The following POF1B variants were observed in gnomAD, a reference collection of about 807,000 sequenced individuals.
POF1B encodes the protein POF1B actin binding protein.
Under a neutral mutation model 55.3 loss-of-function variants are expected in POF1B, and 53 were observed. The ratio of observed to expected loss-of-function variants is 0.96; its 90% CI spans 0.77 to 1.20. The LOEUF (loss-of-function observed/expected upper bound fraction) is 1.20, where lower values mean the gene tolerates loss of function less well. Among genes scored for constraint, POF1B ranks in the 50% most tolerant of loss-of-function variants. POF1B has a pLI of 0.00. For synonymous variants in POF1B, 188 were observed against 148.3 expected (o/e 1.27, Z -1.95); for missense variants, 478 against 420.5 (o/e 1.14, Z -1.20).
intron 15 of POF1B, among the ~76,000 whole-genome samples, chrX:85,298,027 C>A (rs1932346540): frequency 8.9e-6 from 1 of 112,462 alleles, no homozygotes; most frequent in South Asian, 3.7e-4. Flanking sequence ...GCTTTGTCCT[C>A]TACCTCCTTG....
intron 16 of POF1B, 47 bp downstream of exon 16, chrX:85,282,156 G>A (rs371280046): frequency 1.6e-4 from 179 of 1,144,720 alleles, no homozygotes; most frequent in Non-Finnish European, 2.0e-4. Context: ...TTAAAAGGCT[G>A]TACATATATC....
At chrX:85,322,774 G>A (rs759796280) in intron 7 of POF1B, among the ~76,000 whole-genome samples, 121 of 111,475 alleles carry the variant, frequency 1.1e-3, no homozygotes, top group Non-Finnish European at 2.1e-3. Context: ...CCCATCAAAA[G>A]GTGGGCGAAG....
chrX:85,277,641 G>T lies in POF1B; in HGVS notation c.*1780C>A, dbSNP rs1464243305. 1.8e-5 allele frequency: 2 copies of T among 109,903 alleles called. No homozygotes were observed. Among genetic ancestry groups the T allele is most frequent in the African/African-American group, 6.6e-5 (2 of 30,360 alleles). 9.1% of individuals were successfully genotyped at this position (109,903 alleles called of 1,213,427 possible). A position where few individuals can be genotyped will look rare whatever the true frequency, so the allele number is the denominator to read the frequency against. Reference sequence around the variant, plus strand: ...CTATATCCATGAGTTCAATTGTTTTGACTTTTAGATCCCGCAAATAATTGA... The same window carrying T: ...CTATATCCATGAGTTCAATTGTTTTTACTTTTAGATCCCGCAAATAATTGA... On this transcript the variant is annotated 3_prime_UTR_variant, in exon 17 of 17. Coordinates refer to ENST00000262753, the MANE Select transcript of POF1B (RefSeq NM_024921.4).
intron 6 of POF1B, among the ~76,000 whole-genome samples, chrX:85,342,038 A>G (rs1406046423): frequency 9.0e-6 from 1 of 111,324 alleles, no homozygotes; most frequent in African/African-American, 3.3e-5. Context: ...CCTATATGAC[A>G]ACTTGTAAAA....
chrX:85,371,200 G>A (rs751396337), intron 2 of POF1B, among the ~76,000 whole-genome samples: 8 of 111,795 alleles, frequency 7.2e-5, no homozygotes, highest in South Asian at 3.8e-4. Context: ...TGGGATATGG[G>A]TGTGGGCGAG....
At chrX:85,307,359 G>T in intron 10 of POF1B, 83 bp from the exon 11 acceptor site, 1 of 551,931 alleles carries the variant, frequency 1.8e-6, no homozygotes, top group Non-Finnish European at 2.8e-6. Flanking sequence ...TACCTTGGAA[G>T]ATTTAAATAA....
chrX:85,311,364 AC>A (rs1462665136), intron 9 of POF1B, among the ~76,000 whole-genome samples: 1 of 101,139 alleles, frequency 9.9e-6, no homozygotes, highest in Admixed American at 1.1e-4. Context: ...CTAGCCCCCC[AC>A]CCCCTGACAG....
intron 15 of POF1B, among the ~76,000 whole-genome samples, chrX:85,285,918 G>GAGA (rs61577263): frequency 0.21 from 23,601 of 110,436 alleles, 2,436 homozygotes; most frequent in African/African-American, 0.4. Context: ...GTCTTCACCA[G>GAGA]AGAAGCATGA....
At chrX:85,349,600 A>G (rs188606603) in intron 5 of POF1B, among the ~76,000 whole-genome samples, 1 of 111,271 alleles carries the variant, frequency 9.0e-6, no homozygotes, top group Admixed American at 9.6e-5. Flanking sequence ...CAGAGGGAAG[A>G]TGATGTGAAG....
intron 2 of POF1B, among the ~76,000 whole-genome samples, chrX:85,376,684 A>T (rs1362105235): frequency 2.7e-5 from 3 of 111,396 alleles, no homozygotes; most frequent in African/African-American, 9.8e-5. Context: ...ATCCATAAAC[A>T]CCATTTTAGT....
At position 85,334,111 on chromosome X, in the gene POF1B, A is replaced by G. The variant is rs182095877; in HGVS notation, c.724-3032T>C. ...AGCTCTTTGGAGCTTCTTAATTTTAATGGAACTATTTGTGGGTGTGTTTCG... is the reference window on the plus strand; with the variant it reads ...AGCTCTTTGGAGCTTCTTAATTTTAGTGGAACTATTTGTGGGTGTGTTTCG... On this transcript the variant is annotated intron_variant, in intron 6 of 16. Coordinates refer to ENST00000262753, the MANE Select transcript of POF1B (RefSeq NM_024921.4). 3.9e-3 allele frequency among the ~76,000 whole-genome samples: 428 copies of G among 111,138 alleles called. 2 individuals are homozygous for G. Among genetic ancestry groups the G allele is most frequent in the African/African-American group, 0.014 (418 of 30,711 alleles).
At chrX:85,290,623 C>T (rs546611150) in intron 15 of POF1B, among the ~76,000 whole-genome samples, 13 of 111,562 alleles carry the variant, frequency 1.2e-4, no homozygotes, top group African/African-American at 1.6e-4. Context: ...TGTTGTTTAT[C>T]GACTTTTTAA....
At chrX:85,282,058 T>A (rs779140638) in intron 16 of POF1B, 145 bp downstream of exon 16, 264 of 693,229 alleles carry the variant, frequency 3.8e-4, no homozygotes, top group Non-Finnish European at 4.7e-4. Flanking sequence ...ATTTGTTAAT[T>A]CCCACTGTAT....
In POF1B at chrX:85,355,137, C is replaced by T. The variant is rs191122513; in HGVS notation, c.439-3686G>A. Among the ~76,000 whole-genome samples the T allele has an allele frequency of 3.0e-3, 333 of 110,968 alleles. 2 individuals are homozygous for T. Among genetic ancestry groups the T allele is most frequent in the African/African-American group, 0.01 (318 of 30,494 alleles). Reference sequence around the variant, plus strand: ...ATAGACCAATGGAACAGAACAGAGCCCTCAGAAATAATACCACACATCTAC... The same window carrying T: ...ATAGACCAATGGAACAGAACAGAGCTCTCAGAAATAATACCACACATCTAC... On this transcript the variant is annotated intron_variant, in intron 4 of 16. Transcript: ENST00000262753.
intron 7 of POF1B, among the ~76,000 whole-genome samples, chrX:85,316,873 CCCACCCT>C (rs1449701248): frequency 9.1e-6 from 1 of 110,454 alleles, no homozygotes; most frequent in Non-Finnish European, 1.9e-5. Flanking sequence ...TCATCCTCCT[CCCACCCT>C]CCACCCTCAA....
chrX:85,345,877 T>G lies in POF1B; in HGVS notation c.706A>C (p.Ser236Arg). Residue 236 changes from serine (S) to arginine (R), a missense_variant, in exon 6 of 17, where the codon AGC becomes CGC. By Grantham distance (110) the Ser-to-Arg change is moderately radical. Transcript: ENST00000262753. ...GATCTTACCTGCTCACAAATCTGGC[T>G]TGATCCACTATGGCACAGTTCATTT... Reference protein sequence around the residue: ...IGNELCHSGSSQICEQVIIQD... With the variant: ...IGNELCHSGSRQICEQVIIQD... The G allele has an allele frequency of 8.3e-7, 1 of 1,200,829 alleles. No homozygotes were observed. The highest frequency in any genetic ancestry group is 1.1e-6 in the Non-Finnish European group (1 of 889,798).
chrX:85,356,330 T>A (rs1161608514), intron 4 of POF1B, among the ~76,000 whole-genome samples: 1 of 108,079 alleles, frequency 9.3e-6, no homozygotes, highest in Non-Finnish European at 1.9e-5. Context: ...GAGGGGGGGA[T>A]AGCATTAGGA....
rs781516210 is a variant in POF1B, at chrX:85,356,372, T to G, written c.438+3178A>C. Among the ~76,000 whole-genome samples the G allele has an allele frequency of 3.7e-4, 40 of 109,299 alleles. No individual in the cohort carries two copies. The South Asian group carries it at 0.011, about 31-fold the overall frequency. 94.9% of individuals were successfully genotyped at this position (109,299 alleles called of 115,157 possible). ...CCTAATGTTAAATGACGAGTTAATGTGTGCAGCACACCAACATGGCACATG... is the reference window on the plus strand; with the variant it reads ...CCTAATGTTAAATGACGAGTTAATGGGTGCAGCACACCAACATGGCACATG... On this transcript the variant is annotated intron_variant, in intron 4 of 16. Coordinates refer to ENST00000262753, the MANE Select transcript of POF1B (RefSeq NM_024921.4).
chrX:85,346,878 A>T (rs999618741), intron 5 of POF1B, among the ~76,000 whole-genome samples: 2 of 111,192 alleles, frequency 1.8e-5, no homozygotes, highest in African/African-American at 6.5e-5. Flanking sequence ...GGTCTAGAAA[A>T]GTAAGATAAT....
Sources: gnomAD v4.1 joint callset for allele counts (sites outside exome capture counted in the v4.1 genomes callset) on GRCh38, gnomAD v4.1.1 for gene constraint, MANE v1.5 for transcripts, NCBI Gene and HGNC (gene_info 2026-07-23, HGNC 2026-07-21) for gene names.